COL23A1: variants seen among roughly 807,000 people sequenced by gnomAD.
The protein encoded by COL23A1 is collagen alpha-1(XXIII) chain.
Under a neutral mutation model 99.3 loss-of-function variants are expected in COL23A1, and 97 were observed. The ratio of observed to expected loss-of-function variants is 0.98; its 90% CI spans 0.83 to 1.16. The LOEUF (loss-of-function observed/expected upper bound fraction) is 1.16, where lower values mean the gene tolerates loss of function less well. Among genes scored for constraint, COL23A1 ranks in the 50% most tolerant of loss-of-function variants. COL23A1 has a pLI of 0.00. For missense variants in COL23A1, 762 were observed against 757.4 expected (o/e 1.01, Z -0.07); for synonymous variants, 320 against 308.2 (o/e 1.04, Z -0.40).
At chr5:178,321,061 T>C (rs1437205263) in intron 2 of COL23A1, among the ~76,000 whole-genome samples, 1 of 152,256 alleles carries the variant, frequency 6.6e-6, no homozygotes, top group African/African-American at 2.4e-5. Context: ...TCACATACCA[T>C]ACAGTTCATC....
At chr5:178,338,090 G>C (rs926736502) in intron 2 of COL23A1, among the ~76,000 whole-genome samples, 1 of 152,124 alleles carries the variant, frequency 6.6e-6, no homozygotes, top group African/African-American at 2.4e-5. Flanking sequence ...GGGAGTCTTG[G>C]GAGTATGGGC....
intron 2 of COL23A1, among the ~76,000 whole-genome samples, chr5:178,383,921 AAGAT>A (rs1763522687): frequency 6.6e-6 from 1 of 152,164 alleles, no homozygotes; most frequent in Non-Finnish European, 1.5e-5. Flanking sequence ...ATCTCAGAAA[AAGAT>A]AGACATGAAT....
At position 178,242,033 on chromosome 5, in the gene COL23A1, G is replaced by A. The variant is rs1277873635; in HGVS notation, c.1581+9C>T. 3.3e-5 allele frequency: 51 copies of A among 1,551,544 alleles called. No individual in the cohort carries two copies. Among genetic ancestry groups the A allele is most frequent in the East Asian group, 4.9e-5 (2 of 41,140 alleles). ...AAGACCTGGGGCAGGGCCCTCCTCC[G>A]ACACCTACCACGGGACACGGCTGGT... On this transcript the variant is annotated intron_variant, in intron 27 of 28. Transcript: ENST00000390654.
chr5:178,348,398 C>T (rs901346542), intron 2 of COL23A1, among the ~76,000 whole-genome samples: 6 of 152,226 alleles, frequency 3.9e-5, no homozygotes, highest in Admixed American at 3.9e-4. Context: ...CTAAACTGCC[C>T]CTGGCAGGGT....
intron 2 of COL23A1, among the ~76,000 whole-genome samples, chr5:178,513,231 A>T (rs549678408): frequency 1.3e-5 from 2 of 152,280 alleles, no homozygotes; most frequent in African/African-American, 4.8e-5. Flanking sequence ...ACATGTGTTG[A>T]GGCTTTACTG....
chr5:178,543,052 G>A (rs368309802), intron 2 of COL23A1, among the ~76,000 whole-genome samples: 8 of 152,252 alleles, frequency 5.3e-5, no homozygotes, highest in Middle Eastern at 3.4e-3. Flanking sequence ...TTTTAACTGT[G>A]GAGCTGTGTG....
intron 2 of COL23A1, among the ~76,000 whole-genome samples, chr5:178,478,967 A>G (rs1386146730): frequency 2.0e-5 from 3 of 151,972 alleles, no homozygotes; most frequent in Non-Finnish European, 2.9e-5. Context: ...TGAGAAGAGG[A>G]GCTACTCCTA....
At chr5:178,344,818 C>T (rs72820957) in intron 2 of COL23A1, 74,848 of 648,708 alleles carry the variant, frequency 0.12, 4,944 homozygotes, top group Middle Eastern at 0.19. Context: ...ATCACTGTAG[C>T]TCAGGCCCAT....
At chr5:178,514,322 A>G (rs1408132717) in intron 2 of COL23A1, among the ~76,000 whole-genome samples, 2 of 152,172 alleles carry the variant, frequency 1.3e-5, no homozygotes, top group Non-Finnish European at 2.9e-5. Flanking sequence ...CCATCAACGG[A>G]CACTTGGGCT....
At chr5:178,347,893 AAAAACCC>A (rs1269588766) in intron 2 of COL23A1, among the ~76,000 whole-genome samples, 36 of 44,132 alleles carry the variant, frequency 8.2e-4, no homozygotes, top group African/African-American at 3.5e-3. Flanking sequence ...AAAAAAAAAA[AAAAACCC>A]AAAAAAACAA....
rs1240373134 is a variant in COL23A1 at position 178,306,157 on chromosome 5, A to C, written c.406+718T>G. 6.6e-6 allele frequency among the ~76,000 whole-genome samples: 1 copy of C among 151,878 alleles called. No homozygotes were observed. The highest frequency in any genetic ancestry group is 1.5e-5 in the Non-Finnish European group (1 of 67,924). ...AAGGAGCCCGGGTCACAGATGAGGGAGGAAGCGCAGGGAGGAAGCGCAGCC... is the reference window on the plus strand; with the variant it reads ...AAGGAGCCCGGGTCACAGATGAGGGCGGAAGCGCAGGGAGGAAGCGCAGCC... On this transcript the variant is annotated intron_variant, in intron 3 of 28. Coordinates refer to ENST00000390654, the MANE Select transcript of COL23A1 (RefSeq NM_173465.4). The surrounding 1 kb of genome is among the most constrained non-coding windows in gnomAD (Gnocchi z 4.1).
rs547695857 is a variant in COL23A1 at position 178,415,780 on chromosome 5, C to T, written c.362-108861G>A. On this transcript the variant is annotated intron_variant, in intron 2 of 28. Transcript: ENST00000390654. This position sits in a 1 kb window ranked among gnomAD's most constrained non-coding sequence, Gnocchi z 4.6. Reference sequence around the variant, plus strand: ...TGCCCACAGAGAGCTCCCAGCCTAGCGGGAGGTAGACAGGCAAACAAGAAA... The same window carrying T: ...TGCCCACAGAGAGCTCCCAGCCTAGTGGGAGGTAGACAGGCAAACAAGAAA... 3.3e-4 allele frequency among the ~76,000 whole-genome samples: 50 copies of T among 152,164 alleles called. No individual in the cohort carries two copies. In the South Asian group the frequency reaches 9.6e-3, roughly 29 times the overall value.
chr5:178,242,986 C>T (rs1016671198), intron 25 of COL23A1, among the ~76,000 whole-genome samples: 1 of 151,900 alleles, frequency 6.6e-6, no homozygotes, highest in Non-Finnish European at 1.5e-5. Flanking sequence ...CACCTGAGGT[C>T]AGGAGTTTGA....
At chr5:178,476,856 T>C (rs538310066) in intron 2 of COL23A1, among the ~76,000 whole-genome samples, 2 of 152,376 alleles carry the variant, frequency 1.3e-5, no homozygotes, top group East Asian at 3.9e-4. Flanking sequence ...TTCTCTGTTA[T>C]GCAGGTGAGA....
chr5:178,361,585 T>C (rs549777025), intron 2 of COL23A1, among the ~76,000 whole-genome samples: 1 of 152,076 alleles, frequency 6.6e-6, no homozygotes, highest in African/African-American at 2.4e-5. Context: ...CCTGGCCTTG[T>C]CTCCATCATA....
At chr5:178,264,761 A>C (rs1038328027) in intron 8 of COL23A1, among the ~76,000 whole-genome samples, 3 of 152,164 alleles carry the variant, frequency 2.0e-5, no homozygotes, top group Non-Finnish European at 4.4e-5. Flanking sequence ...GGTTCAAGCG[A>C]TTCTCCTGCC....
intron 2 of COL23A1, among the ~76,000 whole-genome samples, chr5:178,466,613 C>A (rs111255946): frequency 6.6e-6 from 1 of 152,240 alleles, no homozygotes; most frequent in Non-Finnish European, 1.5e-5. Flanking sequence ...CAGGGACCCA[C>A]GTATTGCTGT....
rs533546938 is a variant in COL23A1, at chr5:178,417,166, G to A, written c.362-110247C>T. On this transcript the variant is annotated intron_variant, in intron 2 of 28. Coordinates refer to ENST00000390654, the MANE Select transcript of COL23A1 (RefSeq NM_173465.4). The stretch of plus-strand genomic sequence containing the variant: ...TTGTGCTTACTGGAATGCTGGGCGA[G>A]GCGGTGCCAGTCTTTCCCAACGGAT... Among the ~76,000 whole-genome samples, 3 of 152,338 alleles carry A rather than the reference G, an allele frequency of 2.0e-5. No individual in the cohort carries two copies. In the South Asian group the frequency reaches 6.2e-4, roughly 32 times the overall value.
intron 15 of COL23A1, 113 bp downstream of exon 15, chr5:178,256,240 C>T (rs902875254): frequency 3.1e-6 from 2 of 650,616 alleles, no homozygotes; most frequent in Non-Finnish European, 4.7e-6. Flanking sequence ...AAAATACTCC[C>T]AGTTCCTGTA....
Sources: gnomAD v4.1 joint callset for allele counts (sites outside exome capture counted in the v4.1 genomes callset) on GRCh38, gnomAD v4.1.1 for gene constraint, Gnocchi (gnomAD v3.1) non-coding constraint, MANE v1.5 for transcripts, NCBI Gene and HGNC (gene_info 2026-07-23, HGNC 2026-07-21) for gene names.